Variants in ZBTB20 observed in about 807,000 individuals in gnomAD.
ZBTB20 encodes the protein zinc finger and BTB domain containing 20.
A neutral mutation model predicts 56.9 loss-of-function variants in ZBTB20; 9 were observed. The observed-to-expected ratio is 0.16, with a 90% CI of 0.10 to 0.28. ZBTB20 has a LOEUF of 0.28. Ranked by LOEUF, ZBTB20 falls within the 10% of genes least tolerant of loss-of-function variation. The pLI is 1.00. For synonymous variants in ZBTB20, 417 were observed against 420.7 expected, an observed-to-expected ratio of 0.99 and a Z score of 0.11; for missense variants, 655 against 1,003.0, an observed-to-expected ratio of 0.65 and a Z score of 4.69.
At chr3:114,899,371 T>G (rs903368879) in intron 4 of ZBTB20, among the ~76,000 whole-genome samples, 2 of 152,184 alleles carry the variant, frequency 1.3e-5, no homozygotes, top group African/African-American at 4.8e-5. Flanking sequence ...CAGCCTCACA[T>G]AGTGGGGCTG....
chr3:115,115,942 T>C (rs2084006419), intron 1 of ZBTB20, among the ~76,000 whole-genome samples: 1 of 152,090 alleles, frequency 6.6e-6, no homozygotes, highest in African/African-American at 2.4e-5. Context: ...TTATTATTTT[T>C]GATCAATGTT....
intron 7 of ZBTB20, among the ~76,000 whole-genome samples, chr3:114,453,925 C>A (rs1015467401): frequency 5.3e-5 from 6 of 112,748 alleles, no homozygotes; most frequent in African/African-American, 9.8e-5. Context: ...GCTCACTCCC[C>A]CCCCCCCCAC....
intron 6 of ZBTB20, among the ~76,000 whole-genome samples, chr3:114,686,386 G>GA (rs2062345246): frequency 6.6e-6 from 1 of 152,206 alleles, no homozygotes; most frequent in African/African-American, 2.4e-5. Flanking sequence ...GAGAACAACT[G>GA]AGGAGGATAG....
At chr3:115,122,632 T>G (rs1382265994) in intron 1 of ZBTB20, among the ~76,000 whole-genome samples, 3 of 152,154 alleles carry the variant, frequency 2.0e-5, no homozygotes, top group Non-Finnish European at 4.4e-5. Context: ...CCATAAAATC[T>G]AAGCTCTGCC....
chr3:114,701,404 T>C (rs2063379421), intron 5 of ZBTB20, among the ~76,000 whole-genome samples: 2 of 152,184 alleles, frequency 1.3e-5, no homozygotes, highest in South Asian at 2.1e-4. Context: ...CTGATACCTA[T>C]AGTGTAATGC....
At chr3:114,686,252 T>G (rs1328381052) in intron 6 of ZBTB20, among the ~76,000 whole-genome samples, 1 of 152,176 alleles carries the variant, frequency 6.6e-6, no homozygotes, top group East Asian at 1.9e-4. Context: ...ATTCATCCCT[T>G]GTGATGGTGA....
At chr3:115,074,597 A>G (rs1052840943) in intron 1 of ZBTB20, among the ~76,000 whole-genome samples, 5 of 152,194 alleles carry the variant, frequency 3.3e-5, no homozygotes, top group African/African-American at 1.2e-4. Context: ...TGCCTTAAAC[A>G]ACTAAAAATC....
At chr3:114,555,205 TCA>T (rs1286657178) in intron 6 of ZBTB20, among the ~76,000 whole-genome samples, 1 of 152,164 alleles carries the variant, frequency 6.6e-6, no homozygotes, top group Non-Finnish European at 1.5e-5. Flanking sequence ...CTAAAGTCTC[TCA>T]GAGAAGTAAA....
intron 3 of ZBTB20, among the ~76,000 whole-genome samples, chr3:114,908,149 A>G (rs2075390346): frequency 6.6e-6 from 1 of 151,994 alleles, no homozygotes; most frequent in Non-Finnish European, 1.5e-5. Context: ...TAAAATATAA[A>G]GGTATACGAA....
At chr3:114,572,268 A>G (rs1387409219) in intron 6 of ZBTB20, among the ~76,000 whole-genome samples, 1 of 152,220 alleles carries the variant, frequency 6.6e-6, no homozygotes, top group Non-Finnish European at 1.5e-5. Context: ...ACTTGGTGAT[A>G]TCATTATTCC....
intron 5 of ZBTB20, among the ~76,000 whole-genome samples, chr3:114,704,931 G>A (rs13071735): frequency 0.064 from 9,770 of 152,024 alleles, 405 homozygotes; most frequent in Middle Eastern, 0.14. Flanking sequence ...TTCTTGCTGT[G>A]TGAAATGTAA....
intron 5 of ZBTB20, among the ~76,000 whole-genome samples, chr3:114,752,695 C>T (rs1489668765): frequency 6.6e-6 from 1 of 152,160 alleles, no homozygotes; most frequent in Admixed American, 6.5e-5. Context: ...TAAAACATAA[C>T]TCCTGCTGGG....
At chr3:115,050,196 G>A (rs1234100533) in intron 2 of ZBTB20, among the ~76,000 whole-genome samples, 1 of 151,666 alleles carries the variant, frequency 6.6e-6, no homozygotes, top group African/African-American at 2.4e-5. Context: ...ACATTGAAAA[G>A]GTACGAATTT....
intron 5 of ZBTB20, among the ~76,000 whole-genome samples, chr3:114,774,103 C>T (rs2069417340): frequency 6.6e-6 from 1 of 152,100 alleles, no homozygotes; most frequent in African/African-American, 2.4e-5. Flanking sequence ...GGTATAACTA[C>T]CAACAACATG....
At chr3:114,911,311 G>C (rs1373827611) in intron 3 of ZBTB20, among the ~76,000 whole-genome samples, 1 of 151,902 alleles carries the variant, frequency 6.6e-6, no homozygotes, top group Non-Finnish European at 1.5e-5. Flanking sequence ...CATCGACAAA[G>C]GGGCCTGGAA....
intron 5 of ZBTB20, among the ~76,000 whole-genome samples, chr3:114,766,625 A>T (rs1036913387): frequency 2.6e-5 from 4 of 151,804 alleles, no homozygotes; most frequent in East Asian, 3.9e-4. Context: ...GGAGAAGTTT[A>T]AAAAAACACA....
intron 4 of ZBTB20, among the ~76,000 whole-genome samples, chr3:114,869,754 G>A (rs536366810): frequency 3.3e-5 from 5 of 152,178 alleles, no homozygotes; most frequent in African/African-American, 1.2e-4. Flanking sequence ...ATTCCTGATG[G>A]CCACAGCTTT....
At chr3:114,747,585 G>A (rs928406811) in intron 5 of ZBTB20, among the ~76,000 whole-genome samples, 5 of 151,864 alleles carry the variant, frequency 3.3e-5, no homozygotes, top group Middle Eastern at 3.4e-3. Context: ...ATAAAATGAC[G>A]TTCATATTTT....
At chr3:114,894,228 A>C (rs2074768157) in intron 4 of ZBTB20, among the ~76,000 whole-genome samples, 1 of 152,224 alleles carries the variant, frequency 6.6e-6, no homozygotes, top group South Asian at 2.1e-4. Flanking sequence ...TCTCACCTGC[A>C]AAATGGGAGA....
Sources: allele counts gnomAD v4.1 joint callset (sites outside exome capture counted in the v4.1 genomes callset), GRCh38; gene constraint gnomAD v4.1.1; transcripts MANE v1.5; gene names NCBI Gene and HGNC (gene_info 2026-07-23, HGNC 2026-07-21).